ACBD3: variants seen among roughly 807,000 people sequenced by gnomAD.
ACBD3 encodes the protein Golgi resident protein GCP60.
ACBD3 carries 30 observed loss-of-function variants against 66.9 expected under a neutral mutation model. The ratio of observed to expected loss-of-function variants is 0.45; its 90% CI spans 0.34 to 0.61. ACBD3 has a LOEUF of 0.61. Among genes scored for constraint, ACBD3 ranks in the 20% least tolerant of loss-of-function variants. The pLI is 0.02. For missense variants in ACBD3, 544 were observed against 664.5 expected, an observed-to-expected ratio of 0.82 and a Z score of 1.99; for synonymous variants, 278 against 259.8, an observed-to-expected ratio of 1.07 and a Z score of -0.68.
At chr1:226,155,227 G>A (rs1470242852) in intron 5 of ACBD3, among the ~76,000 whole-genome samples, 4 of 151,990 alleles carry the variant, frequency 2.6e-5, no homozygotes, top group African/African-American at 9.7e-5. Context: ...AGACCAGCCT[G>A]ACCAACATGG....
chr1:226,172,623 G>A (rs1655858686), intron 1 of ACBD3, among the ~76,000 whole-genome samples: 1 of 151,866 alleles, frequency 6.6e-6, no homozygotes, highest in Admixed American at 6.6e-5. Flanking sequence ...TTCTAGATGA[G>A]AGCCAAATTT....
chr1:226,177,164 G>GT lies in ACBD3; in HGVS notation c.286+9225dup, dbSNP rs35506283. Among the ~76,000 whole-genome samples, 542 of 130,436 alleles carry GT rather than the reference G, an allele frequency of 4.2e-3. 2 individuals carry two copies. The highest frequency in any genetic ancestry group is 6.6e-3 in the African/African-American group (234 of 35,448). The allele number at this position is 130,436 out of a possible 152,430, so 85.6% of individuals were successfully genotyped here. On this transcript the variant is annotated intron_variant, in intron 1 of 7. Coordinates refer to ENST00000366812, the MANE Select transcript of ACBD3 (RefSeq NM_022735.4). Reference sequence around the variant, plus strand: ...CAGAGGAACAAATTCCCATGTAGCTGTTTTTTTTTTTTTTTTTTTTAGACG... The same window carrying GT: ...CAGAGGAACAAATTCCCATGTAGCTGTTTTTTTTTTTTTTTTTTTTTAGACG...
intron 1 of ACBD3, among the ~76,000 whole-genome samples, chr1:226,180,956 G>A (rs959671113): frequency 2.0e-5 from 3 of 147,588 alleles, no homozygotes; most frequent in African/African-American, 7.6e-5. Context: ...CTGAGATCGC[G>A]CCATTGCACT....
intron 7 of ACBD3, among the ~76,000 whole-genome samples, chr1:226,150,519 C>T (rs542930498): frequency 1.3e-5 from 2 of 152,250 alleles, no homozygotes; most frequent in African/African-American, 4.8e-5. Flanking sequence ...GCTGGGATTA[C>T]AGGCACCCAC....
In ACBD3 at chr1:226,161,666, C is replaced by T. The variant is rs377184596; in HGVS notation, c.593G>A (p.Arg198Gln). The T allele has an allele frequency of 1.4e-5, 23 of 1,603,140 alleles. No homozygotes were observed. Among genetic ancestry groups the T allele is most frequent in the Non-Finnish European group, 1.9e-5 (22 of 1,174,564 alleles). Reference protein sequence around the residue: ...KKRKEEEERRRREEEERERLQ... With the variant: ...KKRKEEEERRQREEEERERLQ... ...ACGTTCTCTTTCTTCCTCTTCACGC[C>T]GCCTTCGCTCCTCTTCCTCCTTCCT... The change falls in exon 4 of 8, where the codon CGG (arginine) becomes CAG (glutamine). Residue 198 changes from arginine to glutamine, a missense_variant. Arg to Gln is a conservative substitution (Grantham distance 43). Transcript: ENST00000366812.
At chr1:226,157,822 C>T (rs1659704125) in intron 5 of ACBD3, among the ~76,000 whole-genome samples, 1 of 152,238 alleles carries the variant, frequency 6.6e-6, no homozygotes, top group Non-Finnish European at 1.5e-5. Context: ...GGATTAAAGG[C>T]ATGAGCCACT....
chr1:226,183,487 T>C (rs1017376327), intron 1 of ACBD3, among the ~76,000 whole-genome samples: 2 of 149,660 alleles, frequency 1.3e-5, no homozygotes, highest in Admixed American at 1.3e-4. Flanking sequence ...CGGCCGAAAA[T>C]GTAATGTTAT....
chr1:226,181,689 A>G (rs1323349771), intron 1 of ACBD3, among the ~76,000 whole-genome samples: 1 of 152,222 alleles, frequency 6.6e-6, no homozygotes, highest in Non-Finnish European at 1.5e-5. Flanking sequence ...TCTACTCAAT[A>G]ACTATTGACA....
At chr1:226,181,532 A>G (rs1656170988) in intron 1 of ACBD3, among the ~76,000 whole-genome samples, 2 of 152,190 alleles carry the variant, frequency 1.3e-5, no homozygotes, top group Non-Finnish European at 2.9e-5. Context: ...AAATGAGTCC[A>G]AGACTTACCT....
intron 1 of ACBD3, among the ~76,000 whole-genome samples, chr1:226,183,738 C>A (rs9660696): frequency 6.6e-6 from 1 of 151,804 alleles, no homozygotes; most frequent in Non-Finnish European, 1.5e-5. Context: ...TACAAAAGTA[C>A]CTGGGCGTGG....
intron 5 of ACBD3, 105 bp downstream of exon 5, chr1:226,159,079 A>G: frequency 7.7e-7 from 1 of 1,303,028 alleles, no homozygotes. Flanking sequence ...TACACCTTAG[A>G]GGCTAACTAA....
At chr1:226,181,973 G>A (rs1656179820) in intron 1 of ACBD3, among the ~76,000 whole-genome samples, 2 of 152,328 alleles carry the variant, frequency 1.3e-5, no homozygotes, top group South Asian at 4.1e-4. Context: ...GCTCATGCCT[G>A]TAATCCCAGC....
At chr1:226,150,010 TA>T in intron 7 of ACBD3, among the ~76,000 whole-genome samples, 1 of 152,108 alleles carries the variant, frequency 6.6e-6, no homozygotes, top group South Asian at 2.1e-4. Context: ...GCCCCCTGGC[TA>T]ATCTGCTACA....
At chr1:226,175,608 G>C (rs1158897375) in intron 1 of ACBD3, among the ~76,000 whole-genome samples, 1 of 151,016 alleles carries the variant, frequency 6.6e-6, no homozygotes, top group East Asian at 1.9e-4. Flanking sequence ...AGTCTGAGAA[G>C]AGGAAAGGAG....
intron 1 of ACBD3, among the ~76,000 whole-genome samples, chr1:226,169,948 G>C (rs543664788): frequency 6.8e-6 from 1 of 147,996 alleles, no homozygotes; most frequent in Non-Finnish European, 1.5e-5. Context: ...TCGCTTGAAC[G>C]AGATGGAGGT....
chr1:226,159,169 G>T lies in ACBD3; in HGVS notation c.903+15C>A. The T allele has an allele frequency of 1.2e-6, 2 of 1,612,774 alleles. No homozygotes were observed. The highest frequency in any genetic ancestry group is 2.2e-5 in the East Asian group (1 of 44,854). On this transcript the variant is annotated intron_variant, in intron 5 of 7. Transcript: ENST00000366812. ...AACTCTCTCTAAGGCTGAATTCTAG[G>T]GTTGTCTATCGTACCTGTTGCTGTG...
At chr1:226,164,740 G>A in intron 3 of ACBD3, 49 bp downstream of exon 3, 1 of 1,565,254 alleles carries the variant, frequency 6.4e-7, no homozygotes, top group Non-Finnish European at 8.6e-7. Context: ...AAAAGCATCA[G>A]TACACTGGGC....
rs566494393 is a variant in ACBD3, at chr1:226,178,431, C to T, written c.286+7959G>A. ...TAAAAGTACAAAAAAAAAAATTAGC[C>T]GGGCATGGTGGCGGGCGCCTGTAGT... is the stretch of plus-strand genomic sequence containing the variant. On this transcript the variant is annotated intron_variant, in intron 1 of 7. Transcript: ENST00000366812. Among the ~76,000 whole-genome samples, 27 of 151,754 alleles carry T rather than the reference C, an allele frequency of 1.8e-4. 1 individual carries two copies. The South Asian group carries it at 5.6e-3, about 32-fold the overall frequency.
Position 226,146,382 on chromosome 1 carries a change from G to T in ACBD3, c.*228C>A. The T allele has an allele frequency of 2.0e-6, 1 of 501,646 alleles. No individual in the cohort carries two copies. Among genetic ancestry groups the T allele is most frequent in the Non-Finnish European group, 3.6e-6 (1 of 279,090 alleles). 31.1% of individuals were successfully genotyped at this position (501,646 alleles called of 1,614,324 possible). A position where few individuals can be genotyped will look rare whatever the true frequency, so the allele number is the denominator to read the frequency against. On this transcript the variant is annotated 3_prime_UTR_variant, in exon 8 of 8. Transcript: ENST00000366812. ...TTCAGCATCCACTAGTGACTCTGCTGGTCAGCACCCAAGGGCTGGATGAGT... is the reference window on the plus strand; with the variant it reads ...TTCAGCATCCACTAGTGACTCTGCTTGTCAGCACCCAAGGGCTGGATGAGT...
Sources: gnomAD v4.1 joint callset for allele counts (sites outside exome capture counted in the v4.1 genomes callset) on GRCh38, gnomAD v4.1.1 for gene constraint, MANE v1.5 for transcripts, NCBI Gene and HGNC (gene_info 2026-07-23, HGNC 2026-07-21) for gene names.